The following WIPF3 variants were observed in gnomAD, a reference collection of about 807,000 sequenced individuals.
WIPF3 encodes the protein WAS/WASL-interacting protein family member 3.
Under a neutral mutation model 38.9 loss-of-function variants are expected in WIPF3, and 33 were observed. The ratio of observed to expected loss-of-function variants is 0.85; its 90% CI spans 0.64 to 1.14. WIPF3 has a LOEUF of 1.14. WIPF3 is among the 50% of genes most tolerant of loss of function. WIPF3 has a pLI of 0.00. For missense variants in WIPF3, 711 were observed against 652.5 expected (o/e 1.09, Z -0.98); for synonymous variants, 324 against 269.3 (o/e 1.20, Z -1.99).
chr7:29,831,443 T>C (rs73686237), intron 1 of WIPF3, among the ~76,000 whole-genome samples: 191 of 152,348 alleles, frequency 1.3e-3, no homozygotes, highest in African/African-American at 4.4e-3. Flanking sequence ...AATGATGTTC[T>C]ACCAGCCAGA....
intron 2 of WIPF3, among the ~76,000 whole-genome samples, chr7:29,863,808 T>G (rs750350723): frequency 5.3e-5 from 8 of 152,370 alleles, no homozygotes; most frequent in Admixed American, 6.5e-5. Context: ...TACGTAAGTA[T>G]TTCCTTTGTA....
intron 2 of WIPF3, among the ~76,000 whole-genome samples, chr7:29,845,763 G>A (rs1784989698): frequency 6.6e-6 from 1 of 152,242 alleles, no homozygotes; most frequent in Admixed American, 6.5e-5. Context: ...AGCAGCTAAT[G>A]AGAGATCTGA....
chr7:29,827,082 G>C (rs1298215363), intron 1 of WIPF3, among the ~76,000 whole-genome samples: 1 of 152,182 alleles, frequency 6.6e-6, no homozygotes, highest in Non-Finnish European at 1.5e-5. Flanking sequence ...GGCTGTGTCA[G>C]GGCTAATTTG....
intron 2 of WIPF3, among the ~76,000 whole-genome samples, chr7:29,863,095 C>G (rs938605617): frequency 1.3e-5 from 2 of 152,124 alleles, no homozygotes; most frequent in Non-Finnish European, 2.9e-5. Context: ...TATAGTAAGA[C>G]TGACTTTTGC....
In WIPF3 at chr7:29,914,479, TTA is replaced by T. The variant is rs761153637; in HGVS notation, c.1429-12_1429-11del. ...TCTAACTCCACCTGGTAATGTTCTG[TTA>T]TGTTTCCACAGTTATCTCTAAAGAC... On this transcript the variant is annotated splice_polypyrimidine_tract_variant and intron_variant, in intron 8 of 8. Transcript: ENST00000242140. 1.1e-5 allele frequency: 16 copies of T among 1,517,126 alleles called. No individual in the cohort carries two copies. The highest frequency in any genetic ancestry group is 1.3e-5 in the Non-Finnish European group (15 of 1,130,598). The allele number at this position is 1,517,126 out of a possible 1,614,324, so 94.0% of individuals were successfully genotyped here.
intron 2 of WIPF3, among the ~76,000 whole-genome samples, chr7:29,871,551 T>C (rs1198086971): frequency 6.6e-6 from 1 of 152,218 alleles, no homozygotes; most frequent in Non-Finnish European, 1.5e-5. Flanking sequence ...TTAGTATTTT[T>C]CACAATTACG....
chr7:29,808,504 C>A (rs1784322185), intron 1 of WIPF3, among the ~76,000 whole-genome samples: 1 of 152,216 alleles, frequency 6.6e-6, no homozygotes, highest in Non-Finnish European at 1.5e-5. Flanking sequence ...TCTAGACAGG[C>A]AACCTTCAAC....
Position 29,888,109 on chromosome 7 carries a change from G to A in WIPF3, c.1141G>A (p.Ala381Thr). Reference protein sequence around the residue: ...GKLNPPPAPPARSPTTELSSK... With the variant: ...GKLNPPPAPPTRSPTTELSSK... The stretch of plus-strand genomic sequence containing the variant: ...GCTAAATCCACCTCCAGCACCCCCT[G>A]CGAGATCACCTACCACAGAGCTTTC... The change falls in exon 6 of 9, where the codon GCG becomes ACG. Residue 381 changes from alanine to threonine, a missense_variant. Coordinates refer to ENST00000242140, the MANE Select transcript of WIPF3 (RefSeq NM_001080529.3). 1 of 1,613,922 alleles carries A rather than the reference G, an allele frequency of 6.2e-7. No individual in the cohort carries two copies. Among genetic ancestry groups the A allele is most frequent in the Non-Finnish European group, 8.5e-7 (1 of 1,179,862 alleles).
chr7:29,832,469 T>C (rs1784737430), intron 1 of WIPF3, among the ~76,000 whole-genome samples: 1 of 152,240 alleles, frequency 6.6e-6, no homozygotes, highest in South Asian at 2.1e-4. Context: ...AAACACGTAC[T>C]ACCCCATGAG....
chr7:29,878,151 A>G lies in WIPF3; in HGVS notation c.224-858A>G, dbSNP rs1402362660. On this transcript the variant is annotated intron_variant, in intron 3 of 8. Coordinates refer to ENST00000242140, the MANE Select transcript of WIPF3 (RefSeq NM_001080529.3). This position sits in a 1 kb window ranked among gnomAD's most constrained non-coding sequence, Gnocchi z 4.0. ...GTTAAACCCATGATCGAATTGGTTA[A>G]GCCTAATTAACAGGTAAATCAATTT... Among the ~76,000 whole-genome samples, 1 of 152,270 alleles carries G rather than the reference A, an allele frequency of 6.6e-6. No individual in the cohort carries two copies. Among genetic ancestry groups the G allele is most frequent in the Non-Finnish European group, 1.5e-5 (1 of 68,052 alleles).
At position 29,915,389 on chromosome 7, in the gene WIPF3, G is replaced by A. The variant is rs183198699; in HGVS notation, c.*873G>A. On this transcript the variant is annotated 3_prime_UTR_variant, in exon 9 of 9. Coordinates refer to ENST00000242140, the MANE Select transcript of WIPF3 (RefSeq NM_001080529.3). ...CTAAACTACCAGTTGTATCTCAGAG[G>A]TCTCCCCTTCTGCCCTTGCTTCGAG... The A allele has an allele frequency of 6.6e-6, 1 of 152,184 alleles. No homozygotes were observed. The highest frequency in any genetic ancestry group is 1.5e-5 in the Non-Finnish European group (1 of 68,012). 9.4% of individuals were successfully genotyped at this position (152,184 alleles called of 1,614,324 possible).
At chr7:29,909,755 A>G (rs1786469013) in intron 8 of WIPF3, among the ~76,000 whole-genome samples, 2 of 151,932 alleles carry the variant, frequency 1.3e-5, no homozygotes, top group African/African-American at 4.8e-5. Flanking sequence ...AATTAGCCAG[A>G]TATGGTGGTG....
At chr7:29,848,829 A>G (rs1414592183) in intron 2 of WIPF3, among the ~76,000 whole-genome samples, 1 of 152,166 alleles carries the variant, frequency 6.6e-6, no homozygotes, top group Non-Finnish European at 1.5e-5. Flanking sequence ...GCTGGAGTTG[A>G]TAATTGTTGA....
At chr7:29,889,614 G>T (rs537377661) in intron 7 of WIPF3, among the ~76,000 whole-genome samples, 1 of 152,264 alleles carries the variant, frequency 6.6e-6, no homozygotes, top group South Asian at 2.1e-4. Flanking sequence ...GATTTTTATA[G>T]AACACTAAGG....
intron 8 of WIPF3, among the ~76,000 whole-genome samples, chr7:29,910,700 T>G (rs1356762147): frequency 6.6e-6 from 1 of 152,082 alleles, no homozygotes; most frequent in Non-Finnish European, 1.5e-5. Flanking sequence ...GAAAAAGCAT[T>G]TGACAAAATT....
intron 2 of WIPF3, among the ~76,000 whole-genome samples, chr7:29,861,244 G>A (rs564858709): frequency 1.3e-5 from 2 of 152,138 alleles, no homozygotes; most frequent in Non-Finnish European, 2.9e-5. Flanking sequence ...TTGAGTGGGA[G>A]CAATACCCTC....
At chr7:29,835,755 C>T (rs116957699) in intron 2 of WIPF3, among the ~76,000 whole-genome samples, 2,203 of 152,288 alleles carry the variant, frequency 0.014, 31 homozygotes, top group Non-Finnish European at 0.021. Context: ...TTCTGTTTTC[C>T]GTGGAAAATG....
chr7:29,910,207 A>T (rs1786480171), intron 8 of WIPF3, among the ~76,000 whole-genome samples: 1 of 152,030 alleles, frequency 6.6e-6, no homozygotes, highest in Admixed American at 6.6e-5. Context: ...AAATATATAC[A>T]CCTACTATGT....
At chr7:29,817,001 C>T (rs1784466920) in intron 1 of WIPF3, among the ~76,000 whole-genome samples, 1 of 152,184 alleles carries the variant, frequency 6.6e-6, no homozygotes, top group Non-Finnish European at 1.5e-5. Context: ...TGATTCCCTG[C>T]ACTCTCTCCA....
Sources: allele counts gnomAD v4.1 joint callset (sites outside exome capture counted in the v4.1 genomes callset), GRCh38; gene constraint gnomAD v4.1.1; non-coding constraint Gnocchi (gnomAD v3.1); transcripts MANE v1.5; gene names NCBI Gene and HGNC (gene_info 2026-07-23, HGNC 2026-07-21).